Variants in OSBPL10 observed in about 807,000 individuals in gnomAD.
The protein encoded by OSBPL10 is oxysterol binding protein like 10, also known as oxysterol-binding protein-related protein 10.
A neutral mutation model predicts 81.7 loss-of-function variants in OSBPL10; 49 were observed. The ratio of observed to expected loss-of-function variants is 0.60; its 90% confidence interval spans 0.48 to 0.76. OSBPL10 has a LOEUF of 0.76. Ranked by LOEUF, OSBPL10 falls within the 30% of genes least tolerant of loss-of-function variation. The probability of loss-of-function intolerance (pLI) is 0.00; values close to 1 mark genes in which losing one functional copy is unlikely to be tolerated. For synonymous variants in OSBPL10, 419 were observed against 383.6 expected (o/e 1.09, Z -1.08); for missense variants, 923 against 987.8 (o/e 0.93, Z 0.88).
chr3:31,927,060 A>C (rs1697095561), intron 1 of OSBPL10, among the ~76,000 whole-genome samples: 1 of 152,098 alleles, frequency 6.6e-6, no homozygotes, highest in Non-Finnish European at 1.5e-5. Flanking sequence ...GCAGTGAGCC[A>C]AGATCGTGTC....
chr3:31,702,522 A>T lies in OSBPL10; in HGVS notation c.1096-14T>A. 9.9e-6 allele frequency: 16 copies of T among 1,613,808 alleles called. No individual in the cohort carries two copies. Among genetic ancestry groups the T allele is most frequent in the Non-Finnish European group, 1.4e-5 (16 of 1,179,762 alleles). On this transcript the variant is annotated splice_polypyrimidine_tract_variant and intron_variant, in intron 6 of 11. Transcript: ENST00000396556. Reference sequence around the variant, plus strand: ...GCCTGAGTTTGGCTAAAATGAAATAATCAATAAAAATCACCAGCTGGCCCA... The same window carrying T: ...GCCTGAGTTTGGCTAAAATGAAATATTCAATAAAAATCACCAGCTGGCCCA...
At chr3:32,044,976 G>T (rs1315701822) in intron 2 of OSBPL10, among the ~76,000 whole-genome samples, 3 of 152,162 alleles carry the variant, frequency 2.0e-5, no homozygotes, top group African/African-American at 7.2e-5. Flanking sequence ...GCTCTACTTT[G>T]AAAGATTCCA....
intron 1 of OSBPL10, among the ~76,000 whole-genome samples, chr3:31,972,046 G>A (rs182735627): frequency 9.9e-5 from 15 of 152,272 alleles, no homozygotes; most frequent in African/African-American, 3.4e-4. Context: ...AAGCAAAGAG[G>A]AGTATGTTTG....
chr3:31,690,826 A>G (rs1053586291), intron 7 of OSBPL10, among the ~76,000 whole-genome samples: 2 of 152,220 alleles, frequency 1.3e-5, no homozygotes, highest in African/African-American at 4.8e-5. Context: ...CAGCAACTGA[A>G]CATTCTGGAC....
Position 31,876,396 on chromosome 3 carries a change from T to A in OSBPL10, c.537+37A>T, listed in dbSNP as rs550745742. On this transcript the variant is annotated intron_variant, in intron 3 of 11. Coordinates refer to ENST00000396556, the MANE Select transcript of OSBPL10 (RefSeq NM_017784.5). ...TAATGGGGCTGAAAGCCAGGCTGGT[T>A]ATTCGAATGCCTCCTTCCTTTCTCA... The A allele has an allele frequency of 3.9e-6, 6 of 1,534,524 alleles. No homozygotes were observed. The South Asian group carries it at 6.7e-5, about 17-fold the overall frequency.
At chr3:31,821,235 G>A (rs1187207796) in intron 4 of OSBPL10, among the ~76,000 whole-genome samples, 1 of 151,956 alleles carries the variant, frequency 6.6e-6, no homozygotes, top group African/African-American at 2.4e-5. Context: ...TTTTGTTGTT[G>A]TTCACCTGAG....
At chr3:31,970,611 G>A (rs1249231887) in intron 1 of OSBPL10, among the ~76,000 whole-genome samples, 3 of 152,204 alleles carry the variant, frequency 2.0e-5, no homozygotes, top group Non-Finnish European at 4.4e-5. Flanking sequence ...ATAGCTACAG[G>A]AAAAGGGGAG....
intron 1 of OSBPL10, among the ~76,000 whole-genome samples, chr3:31,924,973 C>CA (rs1159644574): frequency 6.6e-6 from 1 of 152,160 alleles, no homozygotes; most frequent in Non-Finnish European, 1.5e-5. Context: ...CTCACTCATT[C>CA]ACAAGTCAAG....
intron 1 of OSBPL10, among the ~76,000 whole-genome samples, chr3:32,057,707 G>T (rs760581858): frequency 1.3e-5 from 2 of 152,158 alleles, no homozygotes; most frequent in African/African-American, 4.8e-5. Context: ...ACTTGTGGGG[G>T]TTATGAGGAT....
At chr3:31,870,810 G>C (rs534869633) in intron 3 of OSBPL10, among the ~76,000 whole-genome samples, 1 of 152,030 alleles carries the variant, frequency 6.6e-6, no homozygotes, top group Non-Finnish European at 1.5e-5. Context: ...TCAGCACTCT[G>C]TATCTAGCTC....
chr3:31,792,302 A>T (rs1299802348), intron 4 of OSBPL10, among the ~76,000 whole-genome samples: 1 of 152,196 alleles, frequency 6.6e-6, no homozygotes. Context: ...GCTTTCAAGC[A>T]ATCAGACATT....
chr3:31,777,576 C>T (rs1268642157), intron 4 of OSBPL10, among the ~76,000 whole-genome samples: 1 of 152,148 alleles, frequency 6.6e-6, no homozygotes, highest in Non-Finnish European at 1.5e-5. Context: ...GACTTTTGTT[C>T]CAGGAACCAT....
At chr3:31,931,881 A>G (rs1697258999) in intron 1 of OSBPL10, among the ~76,000 whole-genome samples, 1 of 152,190 alleles carries the variant, frequency 6.6e-6, no homozygotes, top group Non-Finnish European at 1.5e-5. Context: ...GTTCGAGACC[A>G]GCCTAGGCAA....
intron 4 of OSBPL10, among the ~76,000 whole-genome samples, chr3:31,777,870 C>T (rs963885772): frequency 6.6e-6 from 1 of 152,232 alleles, no homozygotes; most frequent in African/African-American, 2.4e-5. Context: ...CATTCTCCAG[C>T]TCAAGCCCAG....
chr3:31,926,289 G>GCCCTCCC (rs1553641092), intron 1 of OSBPL10, among the ~76,000 whole-genome samples: 2 of 130,114 alleles, frequency 1.5e-5, no homozygotes, highest in Non-Finnish European at 3.1e-5. Flanking sequence ...GGGTGATTTT[G>GCCCTCCC]CCCCCCCAGA....
chr3:31,912,673 A>G (rs1696618744), intron 1 of OSBPL10, among the ~76,000 whole-genome samples: 1 of 152,190 alleles, frequency 6.6e-6, no homozygotes, highest in Admixed American at 6.5e-5. Context: ...CTAGACTACA[A>G]TGCGCCTTCA....
chr3:31,826,526 T>C (rs566014837), intron 4 of OSBPL10, among the ~76,000 whole-genome samples: 2 of 152,238 alleles, frequency 1.3e-5, no homozygotes, highest in Non-Finnish European at 2.9e-5. Flanking sequence ...CTGTTTATTC[T>C]ATTGCCTTTG....
At chr3:31,696,703 C>A (rs1175313377) in intron 7 of OSBPL10, among the ~76,000 whole-genome samples, 2 of 152,218 alleles carry the variant, frequency 1.3e-5, no homozygotes. Flanking sequence ...TTGGAATATC[C>A]CAGAACCCTG....
At chr3:31,814,285 G>A (rs764993971) in intron 4 of OSBPL10, among the ~76,000 whole-genome samples, 8 of 152,220 alleles carry the variant, frequency 5.3e-5, no homozygotes, top group South Asian at 2.1e-4. Context: ...ACACAAAGTC[G>A]AAAATGGAAG....
Sources: allele counts gnomAD v4.1 joint callset (sites outside exome capture counted in the v4.1 genomes callset), GRCh38; gene constraint gnomAD v4.1.1; transcripts MANE v1.5; gene names NCBI Gene and HGNC (gene_info 2026-07-23, HGNC 2026-07-21).